Variants in TAF3 observed in about 807,000 individuals in gnomAD.
TAF3 encodes the protein transcription initiation factor TFIID subunit 3.
In TAF3, 7 loss-of-function variants were observed where a neutral mutation model predicts 80.6. That is an observed-to-expected ratio of 0.09 (90% CI 0.05 to 0.16). The LOEUF (loss-of-function observed/expected upper bound fraction) is 0.16, where lower values mean the gene tolerates loss of function less well. Ranked by LOEUF, TAF3 falls within the 10% of genes least tolerant of loss-of-function variation. TAF3 has a pLI of 1.00. For synonymous variants in TAF3, 444 were observed against 446.1 expected (o/e 1.00, Z 0.06); for missense variants, 921 against 1,140.2 (o/e 0.81, Z 2.77).
chr10:7,860,806 T>TTC (rs1392024281), intron 2 of TAF3, among the ~76,000 whole-genome samples: 2 of 145,572 alleles, frequency 1.4e-5, no homozygotes, highest in East Asian at 3.9e-4. Flanking sequence ...CTTTCTTTCT[T>TTC]TTTTTTTTTT....
chr10:7,852,033 C>A (rs982881645), intron 2 of TAF3, among the ~76,000 whole-genome samples: 2 of 152,132 alleles, frequency 1.3e-5, no homozygotes, highest in Non-Finnish European at 2.9e-5. Flanking sequence ...ATCCTTCCAC[C>A]TCAGCATCTC....
intron 2 of TAF3, among the ~76,000 whole-genome samples, chr10:7,841,906 A>G (rs550754176): frequency 6.6e-6 from 1 of 152,266 alleles, no homozygotes; most frequent in South Asian, 2.1e-4. Context: ...GGTAGAGCTC[A>G]GGATTGTAAA....
At chr10:7,933,109 AT>A (rs202119556) in intron 2 of TAF3, among the ~76,000 whole-genome samples, 2 of 148,858 alleles carry the variant, frequency 1.3e-5, no homozygotes, top group African/African-American at 4.9e-5. Flanking sequence ...AAAAAAAAAA[AT>A]ACCTGGCTAC....
chr10:7,993,880 C>CTTTTT (rs953356058), intron 4 of TAF3, among the ~76,000 whole-genome samples: 13 of 104,410 alleles, frequency 1.2e-4, no homozygotes, highest in African/African-American at 2.2e-4. Context: ...AATATACAAT[C>CTTTTT]TTTTTTTTTT....
At chr10:7,989,884 T>A (rs929460467) in intron 4 of TAF3, among the ~76,000 whole-genome samples, 2 of 152,228 alleles carry the variant, frequency 1.3e-5, no homozygotes. Context: ...ATGTCAACTC[T>A]GGCTGTGATA....
rs1838111150 is a variant in TAF3 at position 7,954,117 on chromosome 10, G to T, written c.410-9803G>T. On this transcript the variant is annotated intron_variant, in intron 2 of 6. Transcript: ENST00000344293. ...AGTGAGATTTAGAGTGCACTCCATA[G>T]GTGAATGAATGAATTAGTCCCAGTT... Among the ~76,000 whole-genome samples, 3 of 136,080 alleles carry T rather than the reference G, an allele frequency of 2.2e-5. 1 individual carries two copies. Among genetic ancestry groups the T allele is most frequent in the African/African-American group, 7.9e-5 (3 of 37,742 alleles). The allele number at this position is 136,080 out of a possible 152,430, so 89.3% of individuals were successfully genotyped here. A position where few individuals can be genotyped will look rare whatever the true frequency, so the allele number is the denominator to read the frequency against.
chr10:7,954,905 A>C lies in TAF3; in HGVS notation c.410-9015A>C, dbSNP rs572281671. ...AGTTCTAGTTAACACAGAGCTCTCC[A>C]TAGTGAGATTCAGAGTGCACTCCAT... On this transcript the variant is annotated intron_variant, in intron 2 of 6. Coordinates refer to ENST00000344293, the MANE Select transcript of TAF3 (RefSeq NM_031923.4). Among the ~76,000 whole-genome samples the C allele has an allele frequency of 7.1e-5, 10 of 141,046 alleles. 2 individuals carry two copies. The highest frequency in any genetic ancestry group is 1.5e-4 in the African/African-American group (6 of 39,216). The allele number at this position is 141,046 out of a possible 152,430, so 92.5% of individuals were successfully genotyped here.
chr10:7,945,004 T>G (rs1191865754), intron 2 of TAF3, among the ~76,000 whole-genome samples: 1 of 152,224 alleles, frequency 6.6e-6, no homozygotes, highest in African/African-American at 2.4e-5. Context: ...ATGGGCAGCA[T>G]GAAAACATAG....
intron 4 of TAF3, among the ~76,000 whole-genome samples, chr10:7,993,331 A>T (rs1831852005): frequency 6.6e-6 from 1 of 152,158 alleles, no homozygotes; most frequent in Admixed American, 6.5e-5. Context: ...GGCACATGCC[A>T]CTACACCCAG....
At chr10:7,931,715 C>G (rs988832139) in intron 2 of TAF3, among the ~76,000 whole-genome samples, 1 of 152,128 alleles carries the variant, frequency 6.6e-6, no homozygotes, top group African/African-American at 2.4e-5. Flanking sequence ...TAAATTAGTT[C>G]TGGGTAGTCA....
intron 2 of TAF3, among the ~76,000 whole-genome samples, chr10:7,957,792 G>GCTCT (rs373350330): frequency 0.12 from 16,180 of 133,758 alleles, 1,139 homozygotes; most frequent in East Asian, 0.25. Context: ...TCTCTCTAGC[G>GCTCT]CGCTCTCTCT....
chr10:7,917,698 G>A (rs1457686790), intron 2 of TAF3, among the ~76,000 whole-genome samples: 4 of 152,228 alleles, frequency 2.6e-5, no homozygotes, highest in South Asian at 2.1e-4. Flanking sequence ...CAAGGTGGCC[G>A]TGAAAGCCTA....
At position 8,001,996 on chromosome 10, in the gene TAF3, C is replaced by G. The variant is rs1468116742; in HGVS notation, c.2316-7082C>G. 2.0e-5 allele frequency among the ~76,000 whole-genome samples: 3 copies of G among 152,136 alleles called. No individual in the cohort carries two copies. The East Asian group carries it at 5.8e-4, about 29-fold the overall frequency. ...TCTTTGCAAGCAGTTTTCTAAGGCC[C>G]CATCCGTCGATCCTGTGAATGGCTA... On this transcript the variant is annotated intron_variant, in intron 4 of 6. Coordinates refer to ENST00000344293, the MANE Select transcript of TAF3 (RefSeq NM_031923.4).
At chr10:7,974,574 A>G (rs1398720168) in intron 3 of TAF3, among the ~76,000 whole-genome samples, 1 of 152,178 alleles carries the variant, frequency 6.6e-6, no homozygotes, top group Non-Finnish European at 1.5e-5. Flanking sequence ...GGTTGGGTGA[A>G]AGAAGAGGAG....
intron 4 of TAF3, among the ~76,000 whole-genome samples, chr10:7,996,860 T>G (rs1831895095): frequency 7.1e-6 from 1 of 141,360 alleles, no homozygotes; most frequent in Non-Finnish European, 1.6e-5. Context: ...TTTTTTTTTG[T>G]ATTTTTGTAT....
rs183219615 is a variant in TAF3, at chr10:7,882,657, G to A, written c.409+58097G>A. Among the ~76,000 whole-genome samples the A allele has an allele frequency of 3.7e-3, 567 of 152,120 alleles. 2 individuals are homozygous for A. The highest frequency in any genetic ancestry group is 0.012 in the African/African-American group (512 of 41,374). ...CCAACAGTCAGTGTCTAAAGGTGGA[G>A]TGCTCCTATCAGAAGGCAGTGAGCA... On this transcript the variant is annotated intron_variant, in intron 2 of 6. Coordinates refer to ENST00000344293, the MANE Select transcript of TAF3 (RefSeq NM_031923.4).
chr10:7,991,058 TTC>T (rs1341805916), intron 4 of TAF3, among the ~76,000 whole-genome samples: 3 of 152,196 alleles, frequency 2.0e-5, no homozygotes, highest in African/African-American at 7.2e-5. Context: ...TTTCTTTTTT[TTC>T]TCTTTTGTAA....
At chr10:7,826,176 C>G (rs961942895) in intron 2 of TAF3, among the ~76,000 whole-genome samples, 16 of 152,162 alleles carry the variant, frequency 1.1e-4, no homozygotes, top group African/African-American at 3.9e-4. Flanking sequence ...GGTGGCTCAT[C>G]ATTTAGGTGC....
intron 2 of TAF3, among the ~76,000 whole-genome samples, chr10:7,894,394 G>C (rs1193850334): frequency 6.6e-6 from 1 of 152,148 alleles, no homozygotes; most frequent in South Asian, 2.1e-4. Context: ...CCTGCATTAC[G>C]TCTCAGCGCC....
Sources: gnomAD v4.1 joint callset for allele counts (sites outside exome capture counted in the v4.1 genomes callset) on GRCh38, gnomAD v4.1.1 for gene constraint, MANE v1.5 for transcripts, NCBI Gene and HGNC (gene_info 2026-07-23, HGNC 2026-07-21) for gene names.